The following USP34 variants were observed in gnomAD, a reference collection of about 807,000 sequenced individuals.
USP34 encodes ubiquitin specific peptidase 34.
A neutral mutation model predicts 460.3 loss-of-function variants in USP34; 70 were observed. The observed-to-expected ratio is 0.15, with a 90% CI of 0.13 to 0.19. The LOEUF (loss-of-function observed/expected upper bound fraction) is 0.19. Ranked by LOEUF, USP34 falls within the 10% of genes least tolerant of loss-of-function variation. The probability of loss-of-function intolerance (pLI) is 1.00; values close to 1 mark genes in which losing one functional copy is unlikely to be tolerated. For missense variants in USP34, 3,985 were observed against 4,236.2 expected (o/e 0.94, Z 1.65); for synonymous variants, 1,647 against 1,405.3 (o/e 1.17, Z -3.85).
chr2:61,189,427 C>T (rs1389744535), intron 78 of USP34: 1 of 165,700 alleles, frequency 6.0e-6, no homozygotes, highest in African/African-American at 2.4e-5. Context: ...CGCCCGCCAC[C>T]ACGCCTGGCT....
rs568570038 is a variant in USP34, at chr2:61,307,403, G to A, written c.3817+4137C>T. ...TGGGTGCAGGACACCAACGTGGTAC[G>A]TGTATACATTTGTAACAAACCTGCG... On this transcript the variant is annotated intron_variant, in intron 27 of 79. Coordinates refer to ENST00000398571, the MANE Select transcript of USP34 (RefSeq NM_014709.4). Among the ~76,000 whole-genome samples the A allele has an allele frequency of 1.4e-4, 22 of 151,978 alleles. No individual in the cohort carries two copies. The South Asian group carries it at 2.7e-3, about 19-fold the overall frequency.
chr2:61,300,485 C>T (rs1174342345), intron 29 of USP34, among the ~76,000 whole-genome samples: 9 of 151,036 alleles, frequency 6.0e-5, no homozygotes, highest in Non-Finnish European at 1.3e-4. Context: ...CCGCCCCGGC[C>T]CAATTTTACT....
chr2:61,285,344 T>C (rs375369323), intron 34 of USP34, among the ~76,000 whole-genome samples: 1 of 151,854 alleles, frequency 6.6e-6, no homozygotes. Flanking sequence ...AAAAATTAGC[T>C]GGGTGTGTGG....
At chr2:61,339,795 A>G in intron 16 of USP34, 114 bp from the exon 17 acceptor site, 1 of 518,806 alleles carries the variant, frequency 1.9e-6, no homozygotes, top group East Asian at 3.5e-5. Flanking sequence ...CTCAGATCAT[A>G]AAATAAAAAC....
At chr2:61,263,622 G>A (rs1688962063) in intron 43 of USP34, among the ~76,000 whole-genome samples, 1 of 151,906 alleles carries the variant, frequency 6.6e-6, no homozygotes, top group Non-Finnish European at 1.5e-5. Context: ...GCTGGGATTA[G>A]AGGTACCCAC....
chr2:61,405,325 C>CT (rs945227293), intron 3 of USP34, among the ~76,000 whole-genome samples: 5 of 150,316 alleles, frequency 3.3e-5, no homozygotes, highest in African/African-American at 4.9e-5. Context: ...ATTTGCTAAG[C>CT]TTTTTTTTCT....
At chr2:61,445,792 C>CA (rs1394886266) in intron 1 of USP34, among the ~76,000 whole-genome samples, 6 of 151,964 alleles carry the variant, frequency 3.9e-5, no homozygotes, top group African/African-American at 7.2e-5. Context: ...TTTAAAAATA[C>CA]AAAAAATTTG....
At chr2:61,222,856 C>T (rs913169115) in intron 64 of USP34, 193 bp from the exon 65 acceptor site, 23 of 680,202 alleles carry the variant, frequency 3.4e-5, no homozygotes, top group Admixed American at 1.2e-4. Context: ...CCACTACACC[C>T]GGCTAGATTT....
chr2:61,298,981 C>A (rs1365090037), intron 29 of USP34, among the ~76,000 whole-genome samples: 1 of 152,062 alleles, frequency 6.6e-6, no homozygotes, highest in Non-Finnish European at 1.5e-5. Flanking sequence ...TTTGAAAAAA[C>A]CTTCTGCAAA....
intron 6 of USP34, among the ~76,000 whole-genome samples, chr2:61,382,757 A>G (rs1693010934): frequency 6.6e-6 from 1 of 152,206 alleles, no homozygotes; most frequent in African/African-American, 2.4e-5. Context: ...AGACTTATAA[A>G]ATTCAAATGT....
At chr2:61,189,362 A>ACC (rs1686553133) in intron 78 of USP34, 1 of 210,202 alleles carries the variant, frequency 4.8e-6, no homozygotes, top group South Asian at 1.1e-4. Context: ...AACCTCCACC[A>ACC]CCCGGGTTCA....
At chr2:61,410,015 G>C (rs952570967) in intron 2 of USP34, among the ~76,000 whole-genome samples, 1 of 151,988 alleles carries the variant, frequency 6.6e-6, no homozygotes, top group Non-Finnish European at 1.5e-5. Flanking sequence ...TTCTCAATAC[G>C]GCGTTTCCCT....
chr2:61,319,395 T>C (rs1690845028), intron 21 of USP34, 68 bp from the exon 22 acceptor site: 5 of 1,223,324 alleles, frequency 4.1e-6, no homozygotes, highest in Non-Finnish European at 5.5e-6. Flanking sequence ...CTCTTAGGCA[T>C]GTGTATGTAC....
At chr2:61,343,775 G>C (rs768660850) in intron 16 of USP34, 40 bp downstream of exon 16, 1 of 1,567,266 alleles carries the variant, frequency 6.4e-7, no homozygotes, top group East Asian at 2.2e-5. Context: ...TATTCCTGTT[G>C]TGAAGAAGGT....
intron 1 of USP34, among the ~76,000 whole-genome samples, chr2:61,429,427 AC>A (rs1338556540): frequency 6.6e-6 from 1 of 152,206 alleles, no homozygotes; most frequent in Non-Finnish European, 1.5e-5. Context: ...AGCCTGGGCA[AC>A]AGAGCGAGAC....
Position 61,221,491 on chromosome 2 carries a change from G to A in USP34, c.7899+11C>T. On this transcript the variant is annotated intron_variant, in intron 66 of 79. Transcript: ENST00000398571. ...AAAATAAACATTGAAAACACCTGCTGCAAGACTTACCTCCCATATCCTCTG... is the reference window on the plus strand; with the variant it reads ...AAAATAAACATTGAAAACACCTGCTACAAGACTTACCTCCCATATCCTCTG... 6.2e-7 allele frequency: 1 copy of A among 1,606,828 alleles called. No individual in the cohort carries two copies. Among genetic ancestry groups the A allele is most frequent in the South Asian group, 1.1e-5 (1 of 89,826 alleles).
chr2:61,229,457 T>TAAAAAAAAAAAAAAAAACAAAAA, intron 59 of USP34, 91 bp downstream of exon 59: 1 of 380,870 alleles, frequency 2.6e-6, no homozygotes, highest in Non-Finnish European at 4.0e-6. Context: ...CCCTATCTCT[T>TAAAAAAAAAAAAAAAAACAAAAA]AAAAAAAAAA....
chr2:61,297,050 G>T (rs1364026214), intron 29 of USP34, 125 bp from the exon 30 acceptor site: 1 of 1,269,140 alleles, frequency 7.9e-7, no homozygotes, highest in Non-Finnish European at 1.1e-6. Flanking sequence ...TTTGAAAAGT[G>T]AGAAATGAAA....
chr2:61,227,641 G>C (rs564190755), intron 61 of USP34, among the ~76,000 whole-genome samples: 1 of 152,112 alleles, frequency 6.6e-6, no homozygotes, highest in African/African-American at 2.4e-5. Context: ...AACCTGGGAG[G>C]TGGGGGTTAC....
Sources: allele counts gnomAD v4.1 joint callset (sites outside exome capture counted in the v4.1 genomes callset), GRCh38; gene constraint gnomAD v4.1.1; transcripts MANE v1.5; gene names NCBI Gene and HGNC (gene_info 2026-07-23, HGNC 2026-07-21).